Variants in SLC35F1 observed in about 807,000 individuals in gnomAD.
The protein encoded by SLC35F1 is chromosome 6 open reading frame 169.
In SLC35F1, 14 loss-of-function variants were observed where a neutral mutation model predicts 48.7. That is an observed-to-expected ratio of 0.29 (90% CI 0.19 to 0.45). SLC35F1 has a LOEUF of 0.45. Ranked by LOEUF, SLC35F1 falls within the 20% of genes least tolerant of loss-of-function variation. The pLI is 1.00. For missense variants in SLC35F1, 404 were observed against 500.0 expected (o/e 0.81, Z 1.83); for synonymous variants, 190 against 202.2 (o/e 0.94, Z 0.51).
At chr6:117,951,886 G>T (rs534488376) in intron 1 of SLC35F1, among the ~76,000 whole-genome samples, 1 of 152,302 alleles carries the variant, frequency 6.6e-6, no homozygotes, top group African/African-American at 2.4e-5. Context: ...AATGGACTGC[G>T]CCTAAAGCTA....
At chr6:118,009,600 A>C (rs1777219192) in intron 1 of SLC35F1, among the ~76,000 whole-genome samples, 1 of 152,188 alleles carries the variant, frequency 6.6e-6, no homozygotes, top group Admixed American at 6.5e-5. Flanking sequence ...AGCTAATTAG[A>C]GGCAAGGCAG....
chr6:117,957,462 A>G (rs1776441396), intron 1 of SLC35F1, among the ~76,000 whole-genome samples: 2 of 152,232 alleles, frequency 1.3e-5, no homozygotes, highest in South Asian at 4.1e-4. Flanking sequence ...CTTGAATTTT[A>G]GATGCGATCT....
intron 1 of SLC35F1, among the ~76,000 whole-genome samples, chr6:117,912,995 T>TTGAG (rs944907526): frequency 3.3e-5 from 5 of 152,252 alleles, no homozygotes; most frequent in Admixed American, 6.5e-5. Context: ...GTATAGGCAA[T>TTGAG]TGAGCTGCTG....
At chr6:118,047,753 G>A (rs1772321404) in intron 1 of SLC35F1, among the ~76,000 whole-genome samples, 1 of 152,126 alleles carries the variant, frequency 6.6e-6, no homozygotes, top group African/African-American at 2.4e-5. Context: ...CTGTCCTCAA[G>A]GAATTTACTA....
chr6:118,268,711 G>A (rs916028097), intron 4 of SLC35F1, among the ~76,000 whole-genome samples: 23 of 147,848 alleles, frequency 1.6e-4, no homozygotes, highest in African/African-American at 4.5e-4. Context: ...CCGGGTTCAA[G>A]TGATTCCCCT....
intron 5 of SLC35F1, among the ~76,000 whole-genome samples, chr6:118,275,979 T>C (rs913819059): frequency 1.3e-5 from 2 of 152,192 alleles, no homozygotes; most frequent in African/African-American, 4.8e-5. Flanking sequence ...ACATTCTGTC[T>C]ACTAGTGACA....
intron 1 of SLC35F1, among the ~76,000 whole-genome samples, chr6:118,130,996 G>A (rs550435547): frequency 7.9e-5 from 12 of 152,210 alleles, no homozygotes; most frequent in African/African-American, 2.9e-4. Flanking sequence ...TATCTGACAT[G>A]GCAAGGTAGC....
At chr6:118,174,945 C>T (rs1774465185) in intron 2 of SLC35F1, among the ~76,000 whole-genome samples, 1 of 151,780 alleles carries the variant, frequency 6.6e-6, no homozygotes, top group Non-Finnish European at 1.5e-5. Context: ...TAAAAGTACT[C>T]TTTAAAAGTG....
intron 1 of SLC35F1, among the ~76,000 whole-genome samples, chr6:118,093,130 A>G (rs549094287): frequency 5.1e-4 from 77 of 152,092 alleles, no homozygotes; most frequent in Non-Finnish European, 1.0e-3. Flanking sequence ...AGCCTGGCCA[A>G]TGTGGTGAAA....
intron 1 of SLC35F1, among the ~76,000 whole-genome samples, chr6:118,057,948 G>A (rs1279117208): frequency 2.0e-5 from 3 of 152,106 alleles, no homozygotes; most frequent in African/African-American, 7.2e-5. Context: ...TGGGGAGGGT[G>A]AGGGATGAGA....
At chr6:118,275,967 G>A (rs1775913439) in intron 5 of SLC35F1, among the ~76,000 whole-genome samples, 1 of 152,026 alleles carries the variant, frequency 6.6e-6, no homozygotes, top group Non-Finnish European at 1.5e-5. Context: ...TTCCAAAAAG[G>A]AACATTCTGT....
intron 3 of SLC35F1, among the ~76,000 whole-genome samples, chr6:118,254,889 A>G (rs551482096): frequency 7.8e-4 from 119 of 152,282 alleles, no homozygotes; most frequent in Non-Finnish European, 1.1e-3. Context: ...AAAAATACCC[A>G]AGGTAGCCAC....
At chr6:118,236,980 G>C (rs1235061620) in intron 3 of SLC35F1, among the ~76,000 whole-genome samples, 1 of 151,994 alleles carries the variant, frequency 6.6e-6, no homozygotes, top group East Asian at 1.9e-4. Flanking sequence ...TCTCCCTAAA[G>C]TTGGCCTTTT....
At chr6:117,965,192 A>G (rs1776545006) in intron 1 of SLC35F1, among the ~76,000 whole-genome samples, 1 of 152,212 alleles carries the variant, frequency 6.6e-6, no homozygotes, top group African/African-American at 2.4e-5. Flanking sequence ...CAAAATACCC[A>G]TAAACATCAG....
chr6:117,990,877 C>T (rs1013629913), intron 1 of SLC35F1, among the ~76,000 whole-genome samples: 7 of 152,130 alleles, frequency 4.6e-5, no homozygotes, highest in Non-Finnish European at 1.0e-4. Context: ...ATCCACCAGT[C>T]TGCGGCTGGT....
At chr6:118,285,092 T>C in intron 6 of SLC35F1, 92 bp from the exon 7 acceptor site, 1 of 1,323,268 alleles carries the variant, frequency 7.6e-7, no homozygotes, top group Non-Finnish European at 1.1e-6. Context: ...GAGTGACAAG[T>C]GGTGTGCACT....
intron 1 of SLC35F1, among the ~76,000 whole-genome samples, chr6:118,023,537 G>A (rs1412461186): frequency 1.3e-5 from 2 of 152,132 alleles, no homozygotes; most frequent in East Asian, 3.8e-4. Context: ...TAATAAAGAT[G>A]ATGATATATG....
chr6:118,207,008 T>A (rs1774944432), intron 2 of SLC35F1, among the ~76,000 whole-genome samples: 2 of 152,334 alleles, frequency 1.3e-5, no homozygotes, highest in East Asian at 1.9e-4. Context: ...GTGCAGTGAA[T>A]GAAGGCTTCC....
chr6:118,150,098 C>G (rs1027800141), intron 1 of SLC35F1, among the ~76,000 whole-genome samples: 2 of 152,116 alleles, frequency 1.3e-5, no homozygotes, highest in Non-Finnish European at 2.9e-5. Context: ...GGGCTGCTTG[C>G]GTAACTTCTC....
Sources: allele counts gnomAD v4.1 joint callset (sites outside exome capture counted in the v4.1 genomes callset), GRCh38; gene constraint gnomAD v4.1.1; transcripts MANE v1.5; gene names NCBI Gene and HGNC (gene_info 2026-07-23, HGNC 2026-07-21).